EPHA6: variants seen among roughly 807,000 people sequenced by gnomAD.
EPHA6 encodes EPH receptor A6.
Under a neutral mutation model 112.0 loss-of-function variants are expected in EPHA6, and 50 were observed. The observed-to-expected ratio is 0.45, with a 90% CI of 0.36 to 0.56. EPHA6 has a LOEUF of 0.56. EPHA6 is among the 20% of genes least tolerant of loss of function. The pLI is 0.00. For synonymous variants in EPHA6, 529 were observed against 490.7 expected (o/e 1.08, Z -1.03); for missense variants, 1,280 against 1,417.4 (o/e 0.90, Z 1.56).
chr3:97,422,440 C>A (rs2088745412), intron 6 of EPHA6, among the ~76,000 whole-genome samples: 4 of 152,164 alleles, frequency 2.6e-5, no homozygotes, highest in Admixed American at 2.0e-4. Context: ...CACTGGAGTA[C>A]CCAGATTCAT....
intron 10 of EPHA6, among the ~76,000 whole-genome samples, chr3:97,527,267 T>C (rs2092634633): frequency 6.6e-6 from 1 of 152,050 alleles, no homozygotes. Context: ...TGAAGCTGGG[T>C]CCACAATTAC....
At chr3:97,247,286 C>T (rs2079012726) in intron 5 of EPHA6, among the ~76,000 whole-genome samples, 1 of 151,852 alleles carries the variant, frequency 6.6e-6, no homozygotes, top group Non-Finnish European at 1.5e-5. Flanking sequence ...CATAAACTTT[C>T]AATTTATTTA....
At chr3:96,893,091 G>A (rs899953496) in intron 2 of EPHA6, among the ~76,000 whole-genome samples, 4 of 151,888 alleles carry the variant, frequency 2.6e-5, no homozygotes, top group African/African-American at 7.3e-5. Flanking sequence ...TGCCTGTGAC[G>A]TTGTAGCTAT....
At chr3:97,141,602 G>T (rs2075906989) in intron 3 of EPHA6, among the ~76,000 whole-genome samples, 1 of 151,890 alleles carries the variant, frequency 6.6e-6, no homozygotes. Context: ...GGTAAATGAT[G>T]AAATTAAATA....
intron 10 of EPHA6, among the ~76,000 whole-genome samples, chr3:97,518,432 C>G (rs1560092825): frequency 6.6e-6 from 1 of 151,832 alleles, no homozygotes. Flanking sequence ...CATGGCGGTT[C>G]AGGTATCTTT....
At chr3:97,379,374 A>G (rs1382399242) in intron 5 of EPHA6, among the ~76,000 whole-genome samples, 1 of 152,162 alleles carries the variant, frequency 6.6e-6, no homozygotes, top group Non-Finnish European at 1.5e-5. Flanking sequence ...AATAACATAT[A>G]CATAATTGAA....
At chr3:97,003,150 C>A (rs1358377432) in intron 3 of EPHA6, among the ~76,000 whole-genome samples, 1 of 152,048 alleles carries the variant, frequency 6.6e-6, no homozygotes, top group Non-Finnish European at 1.5e-5. Flanking sequence ...TCTTGTCGCC[C>A]AGGCTGGAGT....
At chr3:96,906,427 T>C (rs1352747088) in intron 2 of EPHA6, among the ~76,000 whole-genome samples, 1 of 152,056 alleles carries the variant, frequency 6.6e-6, no homozygotes, top group African/African-American at 2.4e-5. Context: ...CTTCATGCTC[T>C]AACACCTACT....
rs1467445237 is a variant in EPHA6, at chr3:97,586,719, T to TA, written c.2387-5893_2387-5892insA. Among the ~76,000 whole-genome samples the TA allele has an allele frequency of 1.2e-4, 17 of 136,610 alleles. No individual in the cohort carries two copies. The East Asian group carries it at 3.3e-3, about 27-fold the overall frequency. The allele number at this position is 136,610 out of a possible 152,430, so 89.6% of individuals were successfully genotyped here. A position where few individuals can be genotyped will look rare whatever the true frequency, so the allele number is the denominator to read the frequency against. Reference sequence around the variant, plus strand: ...GATGGATAGATGATGGATGGATGGATGGATGGATAGACAGACAGACAGACA... The same window carrying TA: ...GATGGATAGATGATGGATGGATGGATAGGATGGATAGACAGACAGACAGACA... On this transcript the variant is annotated intron_variant, in intron 11 of 17. Coordinates refer to ENST00000389672, the MANE Select transcript of EPHA6 (RefSeq NM_001080448.3).
At chr3:97,625,279 C>T (rs1283676855) in intron 13 of EPHA6, among the ~76,000 whole-genome samples, 2 of 151,564 alleles carry the variant, frequency 1.3e-5, no homozygotes, top group Non-Finnish European at 3.0e-5. Context: ...TTCTAATTCT[C>T]TTTGTGATTT....
At chr3:97,563,116 C>A (rs543141726) in intron 11 of EPHA6, among the ~76,000 whole-genome samples, 2 of 152,120 alleles carry the variant, frequency 1.3e-5, no homozygotes, top group Non-Finnish European at 2.9e-5. Flanking sequence ...GAAACCAAAC[C>A]CACAGTATCT....
chr3:97,460,859 T>C (rs192157140), intron 7 of EPHA6, among the ~76,000 whole-genome samples: 6 of 152,248 alleles, frequency 3.9e-5, no homozygotes, highest in Non-Finnish European at 8.8e-5. Flanking sequence ...CTCCCACATG[T>C]TCATGCTGAG....
chr3:97,215,275 T>G (rs958164159), intron 3 of EPHA6, among the ~76,000 whole-genome samples: 9 of 152,214 alleles, frequency 5.9e-5, no homozygotes, highest in African/African-American at 1.9e-4. Context: ...AAAGTATGAG[T>G]AGAACAGATT....
intron 2 of EPHA6, among the ~76,000 whole-genome samples, chr3:96,908,673 G>A (rs2039062284): frequency 6.6e-6 from 1 of 151,900 alleles, no homozygotes; most frequent in Non-Finnish European, 1.5e-5. Flanking sequence ...AATGGAATTT[G>A]GAGGCAACTG....
chr3:97,630,886 T>C (rs2093897250), intron 13 of EPHA6, among the ~76,000 whole-genome samples: 1 of 152,006 alleles, frequency 6.6e-6, no homozygotes, highest in African/African-American at 2.4e-5. Flanking sequence ...TCACATGTGG[T>C]AGCACTTCTT....
chr3:97,043,741 A>T (rs912840493), intron 3 of EPHA6, among the ~76,000 whole-genome samples: 1 of 152,126 alleles, frequency 6.6e-6, no homozygotes. Flanking sequence ...AAAAACCAAA[A>T]TATTTATTTT....
At chr3:96,823,505 CTCT>C (rs72127912) in intron 1 of EPHA6, among the ~76,000 whole-genome samples, 11,731 of 151,658 alleles carry the variant, frequency 0.077, 817 homozygotes, top group Admixed American at 0.22. Context: ...TATTAAAAAT[CTCT>C]TCTTTTCTTT....
At chr3:97,319,870 G>A (rs1486856250) in intron 5 of EPHA6, among the ~76,000 whole-genome samples, 2 of 151,904 alleles carry the variant, frequency 1.3e-5, no homozygotes, top group Admixed American at 6.6e-5. Flanking sequence ...AGTACAAAGT[G>A]CAACTCTACT....
intron 5 of EPHA6, among the ~76,000 whole-genome samples, chr3:97,359,540 T>C (rs2084259678): frequency 6.6e-6 from 1 of 152,014 alleles, no homozygotes; most frequent in Non-Finnish European, 1.5e-5. Flanking sequence ...CTTTGTTTAA[T>C]AGATGTGCCA....
Sources: allele counts gnomAD v4.1 joint callset (sites outside exome capture counted in the v4.1 genomes callset), GRCh38; gene constraint gnomAD v4.1.1; transcripts MANE v1.5; gene names NCBI Gene and HGNC (gene_info 2026-07-23, HGNC 2026-07-21).